The following TMEM175 variants were observed in gnomAD, a reference collection of about 807,000 sequenced individuals.
TMEM175 encodes endosomal/lysosomal proton channel TMEM175.
TMEM175 carries 36 observed loss-of-function variants against 36.5 expected under a neutral mutation model. The observed-to-expected ratio is 0.99, with a 90% CI of 0.76 to 1.30. The LOEUF is 1.30. Ranked by LOEUF, TMEM175 falls within the 50% of genes most tolerant of loss-of-function variation. TMEM175 has a pLI of 0.00. For synonymous variants in TMEM175, 339 were observed against 313.4 expected (o/e 1.08, Z -0.86); for missense variants, 705 against 692.8 (o/e 1.02, Z -0.20).
At position 932,561 on chromosome 4, in the gene TMEM175, A is replaced by G. The variant is rs1404246061; in HGVS notation, c.-32+21A>G. 1 of 442,126 alleles carries G rather than the reference A, an allele frequency of 2.3e-6. No homozygotes were observed. Among genetic ancestry groups the G allele is most frequent in the African/African-American group, 2.1e-5 (1 of 48,442 alleles). The allele number at this position is 442,126 out of a possible 1,614,324, so 27.4% of individuals were successfully genotyped here. A position where few individuals can be genotyped will look rare whatever the true frequency, so the allele number is the denominator to read the frequency against. On this transcript the variant is annotated intron_variant, in intron 1 of 10. Transcript: ENST00000264771. This position sits in a 1 kb window ranked among gnomAD's most constrained non-coding sequence, Gnocchi z 4.0. ...CCCAGGTAGTTCAGCGCCCCAGTCC[A>G]GCTCCCGGTACCGTTCCCCACATGG... is the stretch of plus-strand genomic sequence containing the variant.
chr4:948,220 C>T (rs750729190), intron 3 of TMEM175, 66 bp downstream of exon 3: 1 of 1,613,436 alleles, frequency 6.2e-7, no homozygotes, highest in Non-Finnish European at 8.5e-7. Flanking sequence ...CGAGGCTCGA[C>T]CTGGCACAGG....
chr4:938,758 A>G (rs1727095698), intron 1 of TMEM175, among the ~76,000 whole-genome samples: 2 of 152,364 alleles, frequency 1.3e-5, no homozygotes, highest in East Asian at 1.9e-4. Flanking sequence ...ATTAAAGCCC[A>G]TAATAAATGG....
At chr4:955,314 C>T in intron 8 of TMEM175, 91 bp from the exon 9 acceptor site, 2 of 975,350 alleles carry the variant, frequency 2.1e-6, no homozygotes, top group South Asian at 1.4e-5. Context: ...CCTTCTGCCG[C>T]AGCCCCTGCT....
Position 953,393 on chromosome 4 carries a change from G to A in TMEM175, c.627+39G>A, listed in dbSNP as rs199973749. The A allele has an allele frequency of 5.4e-5, 84 of 1,564,498 alleles. No homozygotes were observed. In the African/African-American group the frequency reaches 5.4e-4, roughly 10 times the overall value. On this transcript the variant is annotated intron_variant, in intron 8 of 10. Transcript: ENST00000264771. ...CAGCCCGTGGGGCCCAGGCAGGAAC[G>A]GGGGCCACCATAGGAGCAATGTCCC...
intron 10 of TMEM175, chr4:956,168 C>A: frequency 1.4e-6 from 1 of 715,918 alleles, no homozygotes; most frequent in Non-Finnish European, 2.1e-6. Flanking sequence ...CAGCAGCCAA[C>A]TGCTCTCCTC....
intron 3 of TMEM175, among the ~76,000 whole-genome samples, chr4:949,139 C>T (rs1728554750): frequency 6.6e-6 from 1 of 152,158 alleles, no homozygotes; most frequent in Admixed American, 6.5e-5. Flanking sequence ...TCGTGAGGTA[C>T]TGGCCTTGGC....
intron 3 of TMEM175, 57 bp downstream of exon 3, chr4:948,211 G>A (rs767097444): frequency 8.7e-6 from 14 of 1,613,630 alleles, no homozygotes; most frequent in Admixed American, 8.3e-5. Context: ...TAGGGTCCCC[G>A]AGGCTCGACC....
At position 958,164 on chromosome 4, in the gene TMEM175, A is replaced by T; in HGVS notation, c.1183A>T (p.Thr395Ser). Residue 395 changes from threonine to serine, a missense_variant, in exon 11 of 11, where the codon ACC becomes TCC. Transcript: ENST00000264771. ...CAGCATCTTCCAGCTGGCCATGTGGACCACGGCGCTGCTGCACCAGGCGGA... is the reference window on the plus strand; with the variant it reads ...CAGCATCTTCCAGCTGGCCATGTGGTCCACGGCGCTGCTGCACCAGGCGGA... The part of the protein sequence containing the change: ...LASIFQLAMW[T>S]TALLHQAETL... The T allele has an allele frequency of 6.2e-7, 1 of 1,603,334 alleles. No homozygotes were observed.
At chr4:942,524 T>C (rs1444365525) in intron 1 of TMEM175, among the ~76,000 whole-genome samples, 1 of 152,240 alleles carries the variant, frequency 6.6e-6, no homozygotes, top group Non-Finnish European at 1.5e-5. Context: ...TCTGTGTCTA[T>C]GCTGTCTTGA....
chr4:951,333 G>A, intron 5 of TMEM175, 75 bp downstream of exon 5: 1 of 1,547,950 alleles, frequency 6.5e-7, no homozygotes, highest in Non-Finnish European at 8.9e-7. Context: ...GGGGAAGGGA[G>A]CAGCCGGCCT....
At position 951,408 on chromosome 4, in the gene TMEM175, A is replaced by G. The variant is rs111370017; in HGVS notation, c.342+150A>G. On this transcript the variant is annotated intron_variant, in intron 5 of 10. Coordinates refer to ENST00000264771, the MANE Select transcript of TMEM175 (RefSeq NM_032326.4). Reference sequence around the variant, plus strand: ...TCCACAGCTGGGAGCTCCTTGAATGATCTTTCCCTCCCCATGGGTCGCCAG... The same window carrying G: ...TCCACAGCTGGGAGCTCCTTGAATGGTCTTTCCCTCCCCATGGGTCGCCAG... 344 of 971,488 alleles carry G rather than the reference A, an allele frequency of 3.5e-4. No individual in the cohort carries two copies. The African/African-American group carries it at 4.9e-3, about 14-fold the overall frequency. The allele number at this position is 971,488 out of a possible 1,614,324, so 60.2% of individuals were successfully genotyped here.
chr4:957,161 C>G (rs1157430708), intron 10 of TMEM175, among the ~76,000 whole-genome samples: 1 of 152,230 alleles, frequency 6.6e-6, no homozygotes, highest in African/African-American at 2.4e-5. Context: ...GTCTCCTGCC[C>G]CCAACCCCCA....
At chr4:940,309 G>A (rs1171435683) in intron 1 of TMEM175, among the ~76,000 whole-genome samples, 4 of 152,062 alleles carry the variant, frequency 2.6e-5, no homozygotes, top group Non-Finnish European at 4.4e-5. Context: ...TTAGCTGGGC[G>A]TGGTGGCATG....
At chr4:953,433 C>CA in intron 8 of TMEM175, 79 bp downstream of exon 8, 1 of 1,488,756 alleles carries the variant, frequency 6.7e-7, no homozygotes. Flanking sequence ...GAGCAACAAA[C>CA]ACGGGGGTGG....
At chr4:953,999 C>CGT (rs1560495933) in intron 8 of TMEM175, among the ~76,000 whole-genome samples, 2 of 149,408 alleles carry the variant, frequency 1.3e-5, no homozygotes, top group African/African-American at 4.9e-5. Flanking sequence ...TTCTTTTTTT[C>CGT]TTTTTTTTTT....
chr4:948,262 G>A, intron 3 of TMEM175, 108 bp downstream of exon 3: 2 of 1,605,678 alleles, frequency 1.2e-6, no homozygotes, highest in Non-Finnish European at 1.7e-6. Flanking sequence ...AAGCTTCTGA[G>A]GCTTAGGAGG....
At chr4:945,004 G>A (rs574120943) in intron 1 of TMEM175, among the ~76,000 whole-genome samples, 1 of 152,332 alleles carries the variant, frequency 6.6e-6, no homozygotes, top group South Asian at 2.1e-4. Context: ...ACAGGAGGCT[G>A]AGGTGGGAGG....
At chr4:954,604 T>C (rs962918742) in intron 8 of TMEM175, among the ~76,000 whole-genome samples, 1 of 152,218 alleles carries the variant, frequency 6.6e-6, no homozygotes. Flanking sequence ...TGAGCATTGC[T>C]GGACACGTGT....
rs1729197130 is a variant in TMEM175 at position 953,308 on chromosome 4, C to T, written c.581C>T (p.Ala194Val). The T allele has an allele frequency of 6.2e-7, 1 of 1,614,038 alleles. No homozygotes were observed. Among genetic ancestry groups the T allele is most frequent in the African/African-American group, 1.3e-5 (1 of 75,072 alleles). The change falls in exon 8 of 11, where the codon GCC (alanine) becomes GTC (valine). Residue 194 changes from alanine to valine, a missense_variant. Transcript: ENST00000264771. ...HVLGIVLQGP[A>V]LCFAAAIFSL... ...CTGGGCATCGTCCTCCAAGGCCCGGCCCTGTGCTTTGCAGCGGCCATCTTC... is the reference window on the plus strand; with the variant it reads ...CTGGGCATCGTCCTCCAAGGCCCGGTCCTGTGCTTTGCAGCGGCCATCTTC...
Sources: allele counts gnomAD v4.1 joint callset (sites outside exome capture counted in the v4.1 genomes callset), GRCh38; gene constraint gnomAD v4.1.1; non-coding constraint Gnocchi (gnomAD v3.1); transcripts MANE v1.5; gene names NCBI Gene and HGNC (gene_info 2026-07-23, HGNC 2026-07-21).